The following ITPKB variants were observed in gnomAD, a reference collection of about 807,000 sequenced individuals.
The protein encoded by ITPKB is inositol-trisphosphate 3-kinase B.
Under a neutral mutation model 69.4 loss-of-function variants are expected in ITPKB, and 13 were observed. The ratio of observed to expected loss-of-function variants is 0.19; its 90% CI spans 0.12 to 0.30. ITPKB has a LOEUF of 0.30. Ranked by LOEUF, ITPKB falls within the 10% of genes least tolerant of loss-of-function variation. The pLI, the probability that ITPKB is intolerant of heterozygous loss-of-function variation, is 1.00. For synonymous variants in ITPKB, 584 were observed against 513.7 expected (o/e 1.14, Z -1.85); for missense variants, 1,240 against 1,250.5 (o/e 0.99, Z 0.13).
chr1:226,668,486 G>T (rs1361287301), intron 2 of ITPKB, among the ~76,000 whole-genome samples: 1 of 152,188 alleles, frequency 6.6e-6, no homozygotes, highest in Non-Finnish European at 1.5e-5. Flanking sequence ...CAAAGAAATA[G>T]AACCTGGGCT....
intron 2 of ITPKB, among the ~76,000 whole-genome samples, chr1:226,673,942 C>T (rs1369817672): frequency 6.6e-6 from 1 of 152,148 alleles, no homozygotes; most frequent in Non-Finnish European, 1.5e-5. Context: ...AAATGGGGGC[C>T]TTTCTTCCCC....
chr1:226,683,107 C>G (rs1303841745), intron 2 of ITPKB, among the ~76,000 whole-genome samples: 1 of 152,244 alleles, frequency 6.6e-6, no homozygotes, highest in African/African-American at 2.4e-5. Context: ...GCACTGCAAC[C>G]TGTCACTGTG....
chr1:226,677,445 G>A (rs1357806017), intron 2 of ITPKB, among the ~76,000 whole-genome samples: 1 of 152,182 alleles, frequency 6.6e-6, no homozygotes, highest in African/African-American at 2.4e-5. Flanking sequence ...GACAGCAGAG[G>A]GGTGGGTTAA....
At chr1:226,719,852 G>A (rs780310328) in intron 2 of ITPKB, among the ~76,000 whole-genome samples, 8 of 152,200 alleles carry the variant, frequency 5.3e-5, no homozygotes, top group Non-Finnish European at 1.0e-4. Flanking sequence ...CCTCTTTCCC[G>A]TGGGCAGATC....
chr1:226,642,101 C>A lies in ITPKB; in HGVS notation c.2271G>T (p.Thr757=). The change falls in exon 5 of 8, where the codon ACG becomes ACT. Residue 757 remains threonine, a synonymous_variant. Transcript: ENST00000429204. This position sits in a 1 kb window ranked among gnomAD's most constrained non-coding sequence, Gnocchi z 6.4. ...GIRTYLEEEL[T]KARKKPSLRK... is the part of the protein sequence containing the mutation. ...GCAGGCTGGGCTTCTTCCGGGCCTTCGTGAGCTCCTCCTCCAGGTAGGTCC... is the reference window on the plus strand; with the variant it reads ...GCAGGCTGGGCTTCTTCCGGGCCTTAGTGAGCTCCTCCTCCAGGTAGGTCC... The A allele has an allele frequency of 6.2e-7, 1 of 1,613,930 alleles. No homozygotes were observed. The highest frequency in any genetic ancestry group is 8.5e-7 in the Non-Finnish European group (1 of 1,179,998).
chr1:226,696,700 G>GCA (rs369648139), intron 2 of ITPKB, among the ~76,000 whole-genome samples: 9 of 151,824 alleles, frequency 5.9e-5, no homozygotes, highest in Admixed American at 2.0e-4. Flanking sequence ...ACGCACACGC[G>GCA]CACACACACA....
intron 2 of ITPKB, among the ~76,000 whole-genome samples, chr1:226,689,371 CAG>C (rs1389181476): frequency 5.9e-5 from 9 of 152,156 alleles, no homozygotes; most frequent in Non-Finnish European, 1.2e-4. Context: ...CTTTGTTTCC[CAG>C]AGAGTGTCCA....
chr1:226,675,789 G>A (rs965064348), intron 2 of ITPKB, among the ~76,000 whole-genome samples: 1 of 152,220 alleles, frequency 6.6e-6, no homozygotes, highest in Admixed American at 6.5e-5. Context: ...TGTTATCAAT[G>A]TAAGATTCGA....
chr1:226,651,368 C>G lies in ITPKB; in HGVS notation c.1933-2597G>C, dbSNP rs140731217. ...GACTGACCTTGAACAAGTTCTTAGT[C>G]CTTGTTTGTAAAAAGAGCGACACAT... On this transcript the variant is annotated intron_variant, in intron 2 of 7. Transcript: ENST00000429204. Among the ~76,000 whole-genome samples, 500 of 152,268 alleles carry G rather than the reference C, an allele frequency of 3.3e-3. 2 individuals are homozygous for G. The highest frequency in any genetic ancestry group is 0.012 in the African/African-American group (478 of 41,552).
chr1:226,682,173 G>A (rs1016552384), intron 2 of ITPKB, among the ~76,000 whole-genome samples: 8 of 151,290 alleles, frequency 5.3e-5, no homozygotes, highest in Non-Finnish European at 1.2e-4. Flanking sequence ...GTCCCCCCCC[G>A]CCCCGAGATT....
At chr1:226,703,539 C>T (rs1656726252) in intron 2 of ITPKB, among the ~76,000 whole-genome samples, 1 of 152,028 alleles carries the variant, frequency 6.6e-6, no homozygotes, top group East Asian at 1.9e-4. Context: ...GCTCTGCCCG[C>T]CGCCCACGCG....
chr1:226,648,614 G>A, intron 3 of ITPKB, 58 bp downstream of exon 3: 1 of 1,050,456 alleles, frequency 9.5e-7, no homozygotes, highest in Non-Finnish European at 1.5e-6. Flanking sequence ...CAGCGTCCAG[G>A]GCACCTCCCC....
At chr1:226,666,231 A>T (rs1669501081) in intron 2 of ITPKB, among the ~76,000 whole-genome samples, 1 of 152,200 alleles carries the variant, frequency 6.6e-6, no homozygotes, top group African/African-American at 2.4e-5. Flanking sequence ...GCACGGTGGG[A>T]TCTGGTGCCT....
In ITPKB at chr1:226,737,491, C is replaced by T. The variant is rs1303133082; in HGVS notation, c.-33G>A. 2 of 1,528,946 alleles carry T rather than the reference C, an allele frequency of 1.3e-6. No homozygotes were observed. Among genetic ancestry groups the T allele is most frequent in the Middle Eastern group, 4.4e-4 (2 of 4,546 alleles). The allele number at this position is 1,528,946 out of a possible 1,614,324, so 94.7% of individuals were successfully genotyped here. ...GGTCCCGCGCTGCCCGCCGCCGCGG[C>T]TCCCGCTCCTGCTCCGCCGCCGGCG... On this transcript the variant is annotated 5_prime_UTR_variant, in exon 2 of 8. Transcript: ENST00000429204.
intron 2 of ITPKB, among the ~76,000 whole-genome samples, chr1:226,670,862 T>A (rs1193875291): frequency 2.0e-5 from 3 of 152,248 alleles, no homozygotes; most frequent in Non-Finnish European, 4.4e-5. Context: ...AGCTGTTTCA[T>A]CATTATGATC....
chr1:226,642,176 C>G lies in ITPKB; in HGVS notation c.2247-51G>C. The G allele has an allele frequency of 6.9e-7, 1 of 1,456,768 alleles. No homozygotes were observed. Among genetic ancestry groups the G allele is most frequent in the Non-Finnish European group, 9.5e-7 (1 of 1,056,246 alleles). The allele number at this position is 1,456,768 out of a possible 1,614,324, so 90.2% of individuals were successfully genotyped here. On this transcript the variant is annotated intron_variant, in intron 4 of 7. Transcript: ENST00000429204. This position sits in a 1 kb window ranked among gnomAD's most constrained non-coding sequence, Gnocchi z 6.4. ...GGGCCGAGGCCTGGGGCAGGGCTCA[C>G]CAGCAGCTCCTTTCCTGCCTGGTGG... is the stretch of plus-strand genomic sequence containing the variant.
chr1:226,647,454 G>C (rs1669084328), intron 3 of ITPKB, 74 bp from the exon 4 acceptor site: 1 of 1,103,476 alleles, frequency 9.1e-7, no homozygotes, highest in Non-Finnish European at 1.3e-6. Context: ...CCAGCACAGG[G>C]TCTGGGCCTC....
At chr1:226,704,303 T>C (rs542408235) in intron 2 of ITPKB, among the ~76,000 whole-genome samples, 6 of 152,360 alleles carry the variant, frequency 3.9e-5, no homozygotes, top group Middle Eastern at 3.4e-3. Context: ...AGATCTCCGA[T>C]GTAATTATAC....
intron 2 of ITPKB, among the ~76,000 whole-genome samples, chr1:226,682,979 T>C (rs1656123186): frequency 6.6e-6 from 1 of 152,192 alleles, no homozygotes; most frequent in African/African-American, 2.4e-5. Context: ...CTGGATTGTG[T>C]CATCCGAAGC....
Sources: gnomAD v4.1 joint callset for allele counts (sites outside exome capture counted in the v4.1 genomes callset) on GRCh38, gnomAD v4.1.1 for gene constraint, Gnocchi (gnomAD v3.1) non-coding constraint, MANE v1.5 for transcripts, NCBI Gene and HGNC (gene_info 2026-07-23, HGNC 2026-07-21) for gene names.